CALN1: variants seen among roughly 807,000 people sequenced by gnomAD.
The protein encoded by CALN1 is calcium-binding protein 8.
In CALN1, 17 loss-of-function variants were observed where a neutral mutation model predicts 30.6. The ratio of observed to expected loss-of-function variants is 0.56; its 90% confidence interval spans 0.38 to 0.83. The LOEUF (loss-of-function observed/expected upper bound fraction) is 0.83. Ranked by LOEUF, CALN1 falls within the 40% of genes least tolerant of loss-of-function variation. CALN1 has a pLI of 0.00. For synonymous variants in CALN1, 156 were observed against 131.4 expected (o/e 1.19, Z -1.28); for missense variants, 291 against 354.9 (o/e 0.82, Z 1.45).
At chr7:72,374,744 T>A (rs892409169) in intron 2 of CALN1, among the ~76,000 whole-genome samples, 1 of 152,124 alleles carries the variant, frequency 6.6e-6, no homozygotes, top group African/African-American at 2.4e-5. Context: ...TTCTGGAGAT[T>A]TAAGCCAGTG....
At chr7:72,385,011 T>TC (rs1264626312) in intron 2 of CALN1, among the ~76,000 whole-genome samples, 1 of 152,166 alleles carries the variant, frequency 6.6e-6, no homozygotes, top group African/African-American at 2.4e-5. Context: ...AACATACTCC[T>TC]CCGCAAGAAA....
chr7:72,035,323 C>G (rs1048014329), intron 4 of CALN1, among the ~76,000 whole-genome samples: 1 of 152,080 alleles, frequency 6.6e-6, no homozygotes, highest in African/African-American at 2.4e-5. Context: ...TACTTTCTCT[C>G]GGATTTTGAC....
At chr7:72,374,169 G>A (rs549800838) in intron 2 of CALN1, among the ~76,000 whole-genome samples, 571 of 152,262 alleles carry the variant, frequency 3.8e-3, no homozygotes, top group Non-Finnish European at 6.5e-3. Context: ...CTGAAACCTT[G>A]GGGAATGAAG....
rs1805997000 is a variant in CALN1, at chr7:72,396,860, C to T, written c.119+6391G>A. Reference sequence around the variant, plus strand: ...GTTGAAGGTTAGAAGTATATAGGATCATCTATCTGTGTCCCATATCCTTGT... The same window carrying T: ...GTTGAAGGTTAGAAGTATATAGGATTATCTATCTGTGTCCCATATCCTTGT... On this transcript the variant is annotated intron_variant, in intron 2 of 6. Coordinates refer to ENST00000395275, the MANE Select transcript of CALN1 (RefSeq NM_031468.4). Among the ~76,000 whole-genome samples, 4 of 152,264 alleles carry T rather than the reference C, an allele frequency of 2.6e-5. 1 individual carries two copies. The highest frequency in any genetic ancestry group is 7.2e-5 in the African/African-American group (3 of 41,556).
At position 71,805,399 on chromosome 7, in the gene CALN1, T is replaced by C. The variant is rs919295100; in HGVS notation, c.658+4937A>G. Among the ~76,000 whole-genome samples, 6 of 152,236 alleles carry C rather than the reference T, an allele frequency of 3.9e-5. No homozygotes were observed. In the East Asian group the frequency reaches 9.7e-4, roughly 25 times the overall value. ...CCGTTCCTTTCCCTCTCATTGGTCATGTGGGGTTGCGAGGAGGATTCAGTT... is the reference window on the plus strand; with the variant it reads ...CCGTTCCTTTCCCTCTCATTGGTCACGTGGGGTTGCGAGGAGGATTCAGTT... On this transcript the variant is annotated intron_variant, in intron 6 of 6. Transcript: ENST00000395275.
rs149673027 is a variant in CALN1, at chr7:72,221,191, G to A, written c.244+57495C>T. Reference sequence around the variant, plus strand: ...GGTGAAAGGGGAGTATTTTTCACACGGTTAGTAGGAGTGGAAACAGAACTG... The same window carrying A: ...GGTGAAAGGGGAGTATTTTTCACACAGTTAGTAGGAGTGGAAACAGAACTG... On this transcript the variant is annotated intron_variant, in intron 3 of 6. Transcript: ENST00000395275. Among the ~76,000 whole-genome samples the A allele has an allele frequency of 1.4e-4, 22 of 152,124 alleles. No individual in the cohort carries two copies. In the East Asian group the frequency reaches 4.1e-3, roughly 28 times the overall value.
intron 2 of CALN1, among the ~76,000 whole-genome samples, chr7:72,331,984 G>A (rs892343932): frequency 3.9e-5 from 6 of 152,150 alleles, no homozygotes; most frequent in African/African-American, 1.2e-4. Flanking sequence ...GTTTGCCAAG[G>A]ATAATGGCCT....
intron 3 of CALN1, among the ~76,000 whole-genome samples, chr7:72,256,006 G>C (rs1182866180): frequency 6.6e-6 from 1 of 152,208 alleles, no homozygotes; most frequent in East Asian, 1.9e-4. Flanking sequence ...GGGATTACAG[G>C]CGTGAGCCAC....
At chr7:71,921,582 A>T (rs932913270) in intron 5 of CALN1, among the ~76,000 whole-genome samples, 1 of 152,160 alleles carries the variant, frequency 6.6e-6, no homozygotes, top group South Asian at 2.1e-4. Context: ...TGATTTTCCT[A>T]AGTGAGGTGC....
intron 5 of CALN1, among the ~76,000 whole-genome samples, chr7:71,813,508 A>T (rs1788083146): frequency 6.6e-6 from 1 of 152,236 alleles, no homozygotes; most frequent in Admixed American, 6.5e-5. Flanking sequence ...TCTCAAAAAT[A>T]ATTGTGGATG....
intron 2 of CALN1, among the ~76,000 whole-genome samples, chr7:72,295,322 TTA>T (rs1798776843): frequency 6.7e-6 from 1 of 150,016 alleles, no homozygotes; most frequent in African/African-American, 2.5e-5. Context: ...AAAACAATAC[TTA>T]TTTTTTTTAA....
intron 2 of CALN1, among the ~76,000 whole-genome samples, chr7:72,369,524 G>T (rs1372757416): frequency 6.6e-6 from 1 of 151,528 alleles, no homozygotes; most frequent in African/African-American, 2.4e-5. Context: ...ACCACAACTG[G>T]CTAATTTTGT....
intron 5 of CALN1, among the ~76,000 whole-genome samples, chr7:71,813,286 A>ACT (rs1324229152): frequency 6.6e-6 from 1 of 151,938 alleles, no homozygotes; most frequent in Admixed American, 6.6e-5. Flanking sequence ...CTCAAGCAAT[A>ACT]CTCTGGCTTC....
chr7:71,810,002 G>T (rs1787854269), intron 6 of CALN1, among the ~76,000 whole-genome samples: 1 of 152,030 alleles, frequency 6.6e-6, no homozygotes, highest in South Asian at 2.1e-4. Flanking sequence ...AGCCAAAATA[G>T]GCTCTTTGCA....
At chr7:71,816,348 A>T (rs942737293) in intron 5 of CALN1, among the ~76,000 whole-genome samples, 4 of 152,024 alleles carry the variant, frequency 2.6e-5, no homozygotes, top group African/African-American at 9.7e-5. Flanking sequence ...AACTCATGGG[A>T]CCCTGTCTCT....
intron 5 of CALN1, among the ~76,000 whole-genome samples, chr7:71,875,746 G>T (rs772478460): frequency 6.8e-6 from 1 of 146,928 alleles, no homozygotes; most frequent in Non-Finnish European, 1.5e-5. Context: ...GCCCAGCTAG[G>T]TTCTTATACT....
chr7:72,325,949 T>C (rs1349701205), intron 2 of CALN1, among the ~76,000 whole-genome samples: 1 of 152,214 alleles, frequency 6.6e-6, no homozygotes, highest in Non-Finnish European at 1.5e-5. Context: ...TCACCCAGGC[T>C]GGAATGCAGT....
chr7:72,177,393 A>C (rs2129545812), intron 3 of CALN1, among the ~76,000 whole-genome samples: 2 of 152,272 alleles, frequency 1.3e-5, no homozygotes, highest in African/African-American at 4.8e-5. Flanking sequence ...TCAGCAGCTC[A>C]GGGTTTTTGT....
intron 2 of CALN1, among the ~76,000 whole-genome samples, chr7:72,385,196 G>A (rs1248156618): frequency 6.6e-6 from 1 of 152,142 alleles, no homozygotes; most frequent in East Asian, 1.9e-4. Flanking sequence ...TCTTGATGAT[G>A]GGAATATAAA....
Sources: gnomAD v4.1 joint callset for allele counts (sites outside exome capture counted in the v4.1 genomes callset) on GRCh38, gnomAD v4.1.1 for gene constraint, MANE v1.5 for transcripts, NCBI Gene and HGNC (gene_info 2026-07-23, HGNC 2026-07-21) for gene names.